CCSER1: variants seen among roughly 807,000 people sequenced by gnomAD.
CCSER1 encodes serine-rich coiled-coil domain-containing protein 1.
Under a neutral mutation model 82.0 loss-of-function variants are expected in CCSER1, and 41 were observed. The observed-to-expected ratio is 0.50, with a 90% CI of 0.39 to 0.65. CCSER1 has a LOEUF of 0.65. Among genes scored for constraint, CCSER1 ranks in the 30% least tolerant of loss-of-function variants. The probability of loss-of-function intolerance (pLI) is 0.00; values close to 1 mark genes in which losing one functional copy is unlikely to be tolerated. For synonymous variants in CCSER1, 414 were observed against 383.9 expected (o/e 1.08, Z -0.92); for missense variants, 1,119 against 1,064.2 (o/e 1.05, Z -0.72).
chr4:91,405,013 T>C (rs1414108666), intron 10 of CCSER1, among the ~76,000 whole-genome samples: 1 of 152,184 alleles, frequency 6.6e-6, no homozygotes, highest in African/African-American at 2.4e-5. Flanking sequence ...TCACTCATTA[T>C]TATTGTGTGG....
intron 10 of CCSER1, among the ~76,000 whole-genome samples, chr4:91,107,723 A>G (rs1263275080): frequency 6.7e-6 from 1 of 150,184 alleles, no homozygotes; most frequent in South Asian, 2.1e-4. Flanking sequence ...TACATTTACC[A>G]CCAGTAATAT....
rs1014133435 is a variant in CCSER1 at position 91,603,222 on chromosome 4, C to A, written c.*4165C>A. The A allele has an allele frequency of 6.6e-6, 1 of 152,088 alleles. No individual in the cohort carries two copies. The highest frequency in any genetic ancestry group is 1.5e-5 in the Non-Finnish European group (1 of 67,972). The allele number at this position is 152,088 out of a possible 1,614,324, so 9.4% of individuals were successfully genotyped here. On this transcript the variant is annotated 3_prime_UTR_variant, in exon 11 of 11. Coordinates refer to ENST00000509176, the MANE Select transcript of CCSER1 (RefSeq NM_001145065.2). The stretch of plus-strand genomic sequence containing the variant: ...AACTAAGCAACCAAACAAAACAGCT[C>A]TCTTCTTTAATAATATTCATCATTG...
intron 8 of CCSER1, among the ~76,000 whole-genome samples, chr4:90,848,922 G>A (rs530544687): frequency 1.2e-4 from 18 of 152,186 alleles, no homozygotes; most frequent in East Asian, 5.8e-4. Flanking sequence ...CTGTGGAGAG[G>A]TGCCTTCTGC....
At chr4:91,551,918 T>G (rs564032342) in intron 10 of CCSER1, among the ~76,000 whole-genome samples, 1 of 151,860 alleles carries the variant, frequency 6.6e-6, no homozygotes, top group African/African-American at 2.4e-5. Flanking sequence ...TTTGTAATTA[T>G]AACTTGAGCT....
intron 5 of CCSER1, among the ~76,000 whole-genome samples, chr4:90,483,483 T>G (rs1314866132): frequency 6.6e-6 from 1 of 152,212 alleles, no homozygotes; most frequent in Non-Finnish European, 1.5e-5. Context: ...GTCTTTACAA[T>G]TTAGCATGTT....
chr4:90,898,332 G>T (rs1435744975), intron 8 of CCSER1, among the ~76,000 whole-genome samples: 1 of 131,080 alleles, frequency 7.6e-6, no homozygotes, highest in African/African-American at 2.9e-5. Context: ...GCCCAGGCTG[G>T]AGTGTAATAG....
At chr4:90,237,796 TG>T (rs1276277370) in intron 1 of CCSER1, among the ~76,000 whole-genome samples, 1 of 152,170 alleles carries the variant, frequency 6.6e-6, no homozygotes, top group Non-Finnish European at 1.5e-5. Flanking sequence ...ATCTTAATTA[TG>T]GTGATTTTAC....
chr4:91,250,371 GCTTTA>G (rs1740160193), intron 10 of CCSER1, among the ~76,000 whole-genome samples: 1 of 152,008 alleles, frequency 6.6e-6, no homozygotes, highest in African/African-American at 2.4e-5. Flanking sequence ...TATGTTTATT[GCTTTA>G]CTTAGCAGAG....
At chr4:91,094,228 G>A (rs565330145) in intron 10 of CCSER1, among the ~76,000 whole-genome samples, 6 of 152,262 alleles carry the variant, frequency 3.9e-5, no homozygotes, top group African/African-American at 1.4e-4. Context: ...ACACCTCCCC[G>A]AAGATGGTGG....
intron 5 of CCSER1, among the ~76,000 whole-genome samples, chr4:90,470,132 T>C (rs1764171770): frequency 6.6e-6 from 1 of 152,184 alleles, no homozygotes; most frequent in Non-Finnish European, 1.5e-5. Context: ...AAAGCTACCA[T>C]CATTTTTCTT....
At chr4:90,651,616 AC>A (rs1242487757) in intron 6 of CCSER1, among the ~76,000 whole-genome samples, 1 of 151,874 alleles carries the variant, frequency 6.6e-6, no homozygotes, top group East Asian at 1.9e-4. Flanking sequence ...GCAACAAACC[AC>A]CATGGCACGT....
intron 9 of CCSER1, among the ~76,000 whole-genome samples, chr4:91,028,367 C>T (rs1694356182): frequency 1.3e-5 from 2 of 151,946 alleles, no homozygotes; most frequent in South Asian, 4.2e-4. Flanking sequence ...ATCATATGTT[C>T]ATGTGTTTAT....
intron 1 of CCSER1, among the ~76,000 whole-genome samples, chr4:90,145,474 A>G (rs1286547051): frequency 6.6e-6 from 1 of 152,104 alleles, no homozygotes; most frequent in African/African-American, 2.4e-5. Flanking sequence ...CTCTGCATCC[A>G]TAGTTGGATT....
intron 4 of CCSER1, among the ~76,000 whole-genome samples, chr4:90,430,683 T>TC (rs898974284): frequency 4.5e-4 from 68 of 151,968 alleles, no homozygotes; most frequent in African/African-American, 1.5e-3. Context: ...AAGTTTTTTT[T>TC]CTAATAGGAA....
intron 9 of CCSER1, among the ~76,000 whole-genome samples, chr4:91,053,104 T>C (rs1324555815): frequency 3.3e-5 from 5 of 152,138 alleles, no homozygotes; most frequent in Admixed American, 3.3e-4. Context: ...TGGACCAAAA[T>C]TAGTTTGAGA....
intron 10 of CCSER1, among the ~76,000 whole-genome samples, chr4:91,355,074 C>A (rs1354869780): frequency 1.3e-5 from 2 of 152,154 alleles, no homozygotes; most frequent in Admixed American, 6.5e-5. Context: ...CCCACTCATG[C>A]AGGAGGGGCT....
chr4:90,295,080 C>A (rs1213169550), intron 1 of CCSER1, among the ~76,000 whole-genome samples: 3 of 151,680 alleles, frequency 2.0e-5, no homozygotes, highest in African/African-American at 7.3e-5. Context: ...ATAAATAGAC[C>A]ATTTTTAGAA....
intron 1 of CCSER1, among the ~76,000 whole-genome samples, chr4:90,208,325 G>A (rs2153412186): frequency 6.6e-6 from 1 of 152,278 alleles, no homozygotes; most frequent in East Asian, 1.9e-4. Context: ...GCCTACTCAA[G>A]CCTCAGTAAT....
chr4:90,397,756 C>G (rs1459541586), intron 3 of CCSER1, among the ~76,000 whole-genome samples: 1 of 152,058 alleles, frequency 6.6e-6, no homozygotes, highest in African/African-American at 2.4e-5. Context: ...CTGGTAGCTC[C>G]CTTTATAGCT....
Sources: allele counts gnomAD v4.1 joint callset (sites outside exome capture counted in the v4.1 genomes callset), GRCh38; gene constraint gnomAD v4.1.1; transcripts MANE v1.5; gene names NCBI Gene and HGNC (gene_info 2026-07-23, HGNC 2026-07-21).